The following GNAQ variants were observed in gnomAD, a reference collection of about 807,000 sequenced individuals.
GNAQ encodes the protein G protein subunit alpha q, also known as guanine nucleotide-binding protein G(q) subunit alpha.
GNAQ carries 8 observed loss-of-function variants against 43.9 expected under a neutral mutation model. The ratio of observed to expected loss-of-function variants is 0.18; its 90% CI spans 0.11 to 0.33. GNAQ has a LOEUF of 0.33. Ranked by LOEUF, GNAQ falls within the 10% of genes least tolerant of loss-of-function variation. The probability of loss-of-function intolerance (pLI) is 1.00; values close to 1 mark genes in which losing one functional copy is unlikely to be tolerated. For missense variants in GNAQ, 158 were observed against 450.8 expected, an observed-to-expected ratio of 0.35 and a Z score of 5.88; for synonymous variants, 155 against 170.7, an observed-to-expected ratio of 0.91 and a Z score of 0.71.
At chr9:77,846,547 GAAC>G (rs1179858952) in intron 2 of GNAQ, among the ~76,000 whole-genome samples, 2 of 152,154 alleles carry the variant, frequency 1.3e-5, no homozygotes, top group Non-Finnish European at 2.9e-5. Context: ...CTCTTCAAAA[GAAC>G]AACACAGAGA....
intron 5 of GNAQ, among the ~76,000 whole-genome samples, chr9:77,762,128 G>A (rs1204858732): frequency 1.5e-5 from 2 of 135,772 alleles, no homozygotes; most frequent in Non-Finnish European, 3.2e-5. Flanking sequence ...GAGGTGGGGG[G>A]TCAGCCCCCT....
intron 2 of GNAQ, among the ~76,000 whole-genome samples, chr9:77,854,399 A>G (rs1411531939): frequency 6.6e-6 from 1 of 152,230 alleles, no homozygotes; most frequent in African/African-American, 2.4e-5. Flanking sequence ...TTGTCAGGAA[A>G]TGTTAAAAAG....
At chr9:77,955,222 A>G (rs1156635848) in intron 1 of GNAQ, among the ~76,000 whole-genome samples, 1 of 152,154 alleles carries the variant, frequency 6.6e-6, no homozygotes, top group Non-Finnish European at 1.5e-5. Flanking sequence ...GGCTCACTGC[A>G]ACCTCTGCCG....
At chr9:77,883,234 G>C (rs900165118) in intron 2 of GNAQ, among the ~76,000 whole-genome samples, 1 of 152,148 alleles carries the variant, frequency 6.6e-6, no homozygotes, top group Non-Finnish European at 1.5e-5. Flanking sequence ...TCTCTCCAGT[G>C]TGTCCCCAGC....
In GNAQ at chr9:77,907,890, G is replaced by A. The variant is rs184411716; in HGVS notation, c.321+14271C>T. Among the ~76,000 whole-genome samples the A allele has an allele frequency of 6.6e-5, 10 of 152,200 alleles. No individual in the cohort carries two copies. The East Asian group carries it at 1.9e-3, about 29-fold the overall frequency. ...CACAGGTAACTGCATTTACTCTTTTGCACAAGAAAATTAAATACATGTGTC... is the reference window on the plus strand; with the variant it reads ...CACAGGTAACTGCATTTACTCTTTTACACAAGAAAATTAAATACATGTGTC... On this transcript the variant is annotated intron_variant, in intron 2 of 6. Coordinates refer to ENST00000286548, the MANE Select transcript of GNAQ (RefSeq NM_002072.5).
chr9:77,836,144 G>C (rs556506380), intron 2 of GNAQ, among the ~76,000 whole-genome samples: 62 of 152,178 alleles, frequency 4.1e-4, no homozygotes, highest in African/African-American at 1.4e-3. Context: ...ATGGAAGTCA[G>C]CGGGTATAGT....
rs139388463 is a variant in GNAQ at position 77,810,842 on chromosome 9, T to A, written c.476+4774A>T. Among the ~76,000 whole-genome samples, 718 of 152,284 alleles carry A rather than the reference T, an allele frequency of 4.7e-3. 7 individuals carry two copies. The highest frequency in any genetic ancestry group is 0.016 in the African/African-American group (665 of 41,550). ...TGTGATGACGGAAATAAAAGAGATA[T>A]GTACACAGTGTTAAGATAGAAGACA... On this transcript the variant is annotated intron_variant, in intron 3 of 6. Coordinates refer to ENST00000286548, the MANE Select transcript of GNAQ (RefSeq NM_002072.5).
intron 3 of GNAQ, among the ~76,000 whole-genome samples, chr9:77,802,821 A>G (rs887586911): frequency 1.3e-5 from 2 of 152,196 alleles, no homozygotes. Flanking sequence ...TATTCATGTT[A>G]GAAAATGGGA....
At chr9:78,016,512 T>C (rs1823840269) in intron 1 of GNAQ, among the ~76,000 whole-genome samples, 1 of 152,008 alleles carries the variant, frequency 6.6e-6, no homozygotes, top group Non-Finnish European at 1.5e-5. Context: ...AGTGAAGCCC[T>C]GTCTCTACTA....
chr9:77,894,243 T>TA (rs35796250), intron 2 of GNAQ, among the ~76,000 whole-genome samples: 95,076 of 144,182 alleles, frequency 0.66, 32,577 homozygotes, highest in South Asian at 0.77. Flanking sequence ...AACTAAATTT[T>TA]AAATGTTTCA....
At position 77,719,534 on chromosome 9, in the gene GNAQ, A is replaced by AT. The variant is rs1825277374; in HGVS notation, c.*1788dup. 4.3e-6 allele frequency: 1 copy of AT among 232,694 alleles called. No individual in the cohort carries two copies. 14.4% of individuals were successfully genotyped at this position (232,694 alleles called of 1,614,324 possible). A position where few individuals can be genotyped will look rare whatever the true frequency, so the allele number is the denominator to read the frequency against. ...TTTGGTACTCATTTAACAGGCCGTGATTTTTCTCCCTCCCCCTTTGTTGTT... is the reference window on the plus strand; with the variant it reads ...TTTGGTACTCATTTAACAGGCCGTGATTTTTTCTCCCTCCCCCTTTGTTGTT... On this transcript the variant is annotated 3_prime_UTR_variant, in exon 7 of 7. Coordinates refer to ENST00000286548, the MANE Select transcript of GNAQ (RefSeq NM_002072.5).
chr9:77,810,472 A>G (rs1429885624), intron 3 of GNAQ, among the ~76,000 whole-genome samples: 2 of 152,190 alleles, frequency 1.3e-5, no homozygotes, highest in Non-Finnish European at 2.9e-5. Context: ...GACTTTGAGG[A>G]TTAAATGAAA....
At chr9:77,910,433 C>A (rs1175367251) in intron 2 of GNAQ, among the ~76,000 whole-genome samples, 1 of 152,162 alleles carries the variant, frequency 6.6e-6, no homozygotes, top group Non-Finnish European at 1.5e-5. Context: ...CAGGAGTTAA[C>A]CAAGAACAGC....
At chr9:77,924,950 G>C (rs993239178) in intron 1 of GNAQ, among the ~76,000 whole-genome samples, 1 of 151,782 alleles carries the variant, frequency 6.6e-6, no homozygotes, top group Non-Finnish European at 1.5e-5. Flanking sequence ...GGAAACCAGA[G>C]AGCGGGACAA....
chr9:77,840,112 T>A (rs1827463055), intron 2 of GNAQ, among the ~76,000 whole-genome samples: 1 of 152,162 alleles, frequency 6.6e-6, no homozygotes, highest in Admixed American at 6.5e-5. Context: ...TTTAAGAAAA[T>A]GTTATAGTTC....
intron 1 of GNAQ, among the ~76,000 whole-genome samples, chr9:78,024,766 A>T (rs1823956751): frequency 6.6e-6 from 1 of 152,212 alleles, no homozygotes; most frequent in Admixed American, 6.6e-5. Flanking sequence ...TATTTGGCAC[A>T]TAGTAGGTGC....
At chr9:77,756,129 C>T (rs528542341) in intron 5 of GNAQ, among the ~76,000 whole-genome samples, 95 of 152,248 alleles carry the variant, frequency 6.2e-4, no homozygotes, top group Admixed American at 1.2e-3. Context: ...ACTCCAAATT[C>T]TTCAGCTTTG....
chr9:78,017,222 C>A (rs897875412), intron 1 of GNAQ, among the ~76,000 whole-genome samples: 2 of 152,224 alleles, frequency 1.3e-5, no homozygotes. Context: ...GTGGTGTAAA[C>A]CCTAGCAACA....
chr9:77,820,637 T>G (rs1312888712), intron 2 of GNAQ, among the ~76,000 whole-genome samples: 1 of 152,216 alleles, frequency 6.6e-6, no homozygotes, highest in Non-Finnish European at 1.5e-5. Flanking sequence ...GATCTACTGA[T>G]TCTCCTTTAC....
Sources: allele counts gnomAD v4.1 joint callset (sites outside exome capture counted in the v4.1 genomes callset), GRCh38; gene constraint gnomAD v4.1.1; transcripts MANE v1.5; gene names NCBI Gene and HGNC (gene_info 2026-07-23, HGNC 2026-07-21).